CYP4F11: variants seen among roughly 807,000 people sequenced by gnomAD.
CYP4F11 encodes the protein cytochrome P450 4F11.
In CYP4F11, 79 loss-of-function variants were observed where a neutral mutation model predicts 62.2. The observed-to-expected ratio is 1.27, with a 90% CI of 1.06 to 1.53. CYP4F11 has a LOEUF of 1.53. Ranked by LOEUF, CYP4F11 falls within the 40% of genes most tolerant of loss-of-function variation. CYP4F11 has a pLI of 0.00. For missense variants in CYP4F11, 777 were observed against 680.5 expected (o/e 1.14, Z -1.58); for synonymous variants, 290 against 263.7 (o/e 1.10, Z -0.97).
Position 15,927,490 on chromosome 19 carries a change from T to C in CYP4F11, c.344-7A>G, listed in dbSNP as rs769606601. 36 of 1,612,994 alleles carry C rather than the reference T, an allele frequency of 2.2e-5. 1 individual carries two copies. Among genetic ancestry groups the C allele is most frequent in the Middle Eastern group, 1.6e-4 (1 of 6,080 alleles). On this transcript the variant is annotated splice_polypyrimidine_tract_variant and splice_region_variant and intron_variant, in intron 2 of 11. Transcript: ENST00000402119. ...TCCTTGGGTGCGACAGCAGCTGACA[T>C]GATTGAGGACCATCAGTGGCCATGG...
At position 15,923,679 on chromosome 19, in the gene CYP4F11, C is replaced by G. The variant is rs1434571659; in HGVS notation, c.918+133G>C. The G allele has an allele frequency of 2.0e-5, 25 of 1,272,564 alleles. No homozygotes were observed. In the South Asian group the frequency reaches 3.3e-4, roughly 17 times the overall value. The allele number at this position is 1,272,564 out of a possible 1,614,324, so 78.8% of individuals were successfully genotyped here. A position where few individuals can be genotyped will look rare whatever the true frequency, so the allele number is the denominator to read the frequency against. On this transcript the variant is annotated intron_variant, in intron 6 of 11. Transcript: ENST00000402119. ...AATTCCACAGAGTCATCTCTCAAAC[C>G]TATCTCTGACCTGTCTTTTTCAAGC...
In CYP4F11 at chr19:15,931,620, GCGAGGAGAGGAA is replaced by G. The variant is rs1568257512; in HGVS notation, c.199-2031_199-2020del. On this transcript the variant is annotated intron_variant, in intron 1 of 11. Transcript: ENST00000402119. ...AGTGAGTGAGGAGAGGAATGAGTGA[GCGAGGAGAGGAA>G]TGAGTGAGCGAGGAGAGGAATGAGT... 2.6e-3 allele frequency among the ~76,000 whole-genome samples: 223 copies of G among 86,650 alleles called. 10 individuals carry two copies. Among genetic ancestry groups the G allele is most frequent in the South Asian group, 5.2e-3 (13 of 2,484 alleles). 56.8% of individuals were successfully genotyped at this position (86,650 alleles called of 152,430 possible).
intron 1 of CYP4F11, 71 bp downstream of exon 1, chr19:15,934,140 G>A (rs1380176603): frequency 1.3e-6 from 2 of 1,538,108 alleles, no homozygotes; most frequent in African/African-American, 1.5e-5. Context: ...CCAGCTCCCT[G>A]AGCCCCATTC....
At chr19:15,920,242 T>C (rs11667406) in intron 8 of CYP4F11, among the ~76,000 whole-genome samples, 82,516 of 152,022 alleles carry the variant, frequency 0.54, 22,974 homozygotes, top group Non-Finnish European at 0.61. Flanking sequence ...ACTCATTTTC[T>C]AAAACTCATA....
rs144132237 is a variant in CYP4F11, at chr19:15,925,589, G to A, written c.526-707C>T. 1.8e-3 allele frequency among the ~76,000 whole-genome samples: 273 copies of A among 151,962 alleles called. 1 individual carries two copies. The highest frequency in any genetic ancestry group is 6.4e-3 in the African/African-American group (265 of 41,428). ...ATGTGGGGCTTAAAACCTGGATGAC[G>A]GGTTGGTGGGTGCAGCAAACCACCA... On this transcript the variant is annotated intron_variant, in intron 4 of 11. Transcript: ENST00000402119.
chr19:15,922,098 C>A lies in CYP4F11; in HGVS notation c.1054G>T (p.Glu352Ter), dbSNP rs777783408. The change falls in exon 8 of 12, where the codon GAA becomes TAA. Residue 352 changes from glutamate (E) to a stop codon, truncating the protein, a stop_gained. Coordinates refer to ENST00000402119, the MANE Select transcript of CYP4F11 (RefSeq NM_021187.4). LOFTEE classifies it high-confidence loss of function. Reference protein sequence around the residue: ...YHLAKHPEYQEQCRQEVQELL... With the variant: ...YHLAKHPEYQ ...TCTTGCACTTCTTGCCGGCACTGTT[C>A]CTGGTATTCTGGGTGCTTTGCAAGG... is the stretch of plus-strand genomic sequence containing the variant. 5.6e-6 allele frequency: 9 copies of A among 1,614,104 alleles called. No individual in the cohort carries two copies. In the South Asian group the frequency reaches 9.9e-5, roughly 18 times the overall value.
rs1221814803 is a variant in CYP4F11 at position 15,912,727 on chromosome 19, GTGTGTGTA to G, written c.*997_*1004del. ...TGTGTGTGTGTGTGTGTGTGTGTGTGTGTGTGTATATGTATATATGTGTGTGTGTGTGT... is the reference window on the plus strand; with the variant it reads ...TGTGTGTGTGTGTGTGTGTGTGTGTGTATGTATATATGTGTGTGTGTGTGT... On this transcript the variant is annotated 3_prime_UTR_variant, in exon 12 of 12. Coordinates refer to ENST00000402119, the MANE Select transcript of CYP4F11 (RefSeq NM_021187.4). 9.1e-4 allele frequency: 68 copies of G among 74,852 alleles called. 1 individual carries two copies. Among genetic ancestry groups the G allele is most frequent in the Admixed American group, 1.9e-3 (12 of 6,366 alleles). 4.6% of individuals were successfully genotyped at this position (74,852 alleles called of 1,614,324 possible). A position where few individuals can be genotyped will look rare whatever the true frequency, so the allele number is the denominator to read the frequency against.
In CYP4F11 at chr19:15,913,684, T is replaced by A; in HGVS notation, c.*48A>T. 6.2e-7 allele frequency: 1 copy of A among 1,609,434 alleles called. No homozygotes were observed. The highest frequency in any genetic ancestry group is 1.3e-5 in the African/African-American group (1 of 74,936). ...CGAGGCTCAAGCAGAGGTGTCAGCATAGTTTTGTTTCTGGGACTCTACAGA... is the reference window on the plus strand; with the variant it reads ...CGAGGCTCAAGCAGAGGTGTCAGCAAAGTTTTGTTTCTGGGACTCTACAGA... On this transcript the variant is annotated 3_prime_UTR_variant, in exon 12 of 12. Coordinates refer to ENST00000402119, the MANE Select transcript of CYP4F11 (RefSeq NM_021187.4).
chr19:15,934,349 C>T lies in CYP4F11; in HGVS notation c.60G>A (p.Leu20=), dbSNP rs1294091920. The change falls in exon 1 of 12, where the codon CTG becomes CTA. Residue 20 remains leucine, a synonymous_variant. Transcript: ENST00000402119. The part of the protein sequence containing the change: ...GLGPVAASPW[L]LLLLVGGSWL... Reference sequence around the variant, plus strand: ...AGGAGCCTCCAACCAGCAGCAGAAGCAGCCACGGGGATGCTGCCACGGGCC... The same window carrying T: ...AGGAGCCTCCAACCAGCAGCAGAAGTAGCCACGGGGATGCTGCCACGGGCC... 1 of 1,613,424 alleles carries T rather than the reference C, an allele frequency of 6.2e-7. No individual in the cohort carries two copies. Among genetic ancestry groups the T allele is most frequent in the East Asian group, 2.2e-5 (1 of 44,834 alleles).
In CYP4F11 at chr19:15,934,319, G is replaced by A; in HGVS notation, c.90C>T (p.Leu30=). 1.2e-6 allele frequency: 2 copies of A among 1,613,044 alleles called. No homozygotes were observed. The highest frequency in any genetic ancestry group is 1.7e-6 in the Non-Finnish European group (2 of 1,179,568). The change falls in exon 1 of 12, where the codon CTC becomes CTT. Residue 30 remains leucine (L), a synonymous_variant. Transcript: ENST00000402119. ...LLLLLVGGSW[L]LARVLAWTYT... ...AGGTCCAGGCCAGGACGCGGGCCAG[G>A]AGCCAGGAGCCTCCAACCAGCAGCA... is the stretch of plus-strand genomic sequence containing the variant.
intron 8 of CYP4F11, among the ~76,000 whole-genome samples, chr19:15,919,521 T>TAGATAGATAGATAGATAGATAGAC (rs1191784843): frequency 7.5e-5 from 11 of 146,074 alleles, no homozygotes; most frequent in Non-Finnish European, 1.2e-4. Context: ...GATAGATAGA[T>TAGATAGATAGATAGATAGATAGAC]AGACAGATAG....
At chr19:15,923,341 A>C (rs2145047292) in intron 6 of CYP4F11, among the ~76,000 whole-genome samples, 1 of 150,782 alleles carries the variant, frequency 6.6e-6, no homozygotes, top group South Asian at 2.1e-4. Context: ...TAGCTATCCT[A>C]TATAAGCCCC....
At chr19:15,931,553 TGAGTGAGCGAGGAGAGGAATGAGTGAGC>T (rs1568257310) in intron 1 of CYP4F11, among the ~76,000 whole-genome samples, 1,979 of 120,926 alleles carry the variant, frequency 0.016, 368 homozygotes, top group Middle Eastern at 0.048. Flanking sequence ...GGGAGAGGAA[TGAGTGAGCGAGGAGAGGAATGAGTGAGC>T]GAGGAGAGGA....
chr19:15,913,378 C>A lies in CYP4F11; in HGVS notation c.*354G>T, dbSNP rs771329716. 3.1e-6 allele frequency: 1 copy of A among 319,820 alleles called. No homozygotes were observed. The highest frequency in any genetic ancestry group is 6.0e-6 in the Non-Finnish European group (1 of 166,780). 19.8% of individuals were successfully genotyped at this position (319,820 alleles called of 1,614,324 possible). A position where few individuals can be genotyped will look rare whatever the true frequency, so the allele number is the denominator to read the frequency against. ...CCCAGGACAGATGAAGGGATCTGCC[C>A]CTATGGTTGTTTCTCGCTGAATCAG... On this transcript the variant is annotated 3_prime_UTR_variant, in exon 12 of 12. Coordinates refer to ENST00000402119, the MANE Select transcript of CYP4F11 (RefSeq NM_021187.4).
intron 2 of CYP4F11, 122 bp from the exon 3 acceptor site, chr19:15,927,605 A>G (rs917446675): frequency 7.4e-7 from 1 of 1,347,252 alleles, no homozygotes; most frequent in Non-Finnish European, 1.0e-6. Context: ...TAGCAGGAAG[A>G]AGGCCAAGGG....
Position 15,927,862 on chromosome 19 carries a change from C to T in CYP4F11, c.344-379G>A, listed in dbSNP as rs183133015. On this transcript the variant is annotated intron_variant, in intron 2 of 11. Transcript: ENST00000402119. ...GGATCTGGGACCTGGAATATTGCCC[C>T]GACAGTTGTTAACATTCCCTGACAT... 15 of 217,638 alleles carry T rather than the reference C, an allele frequency of 6.9e-5. No homozygotes were observed. The East Asian group carries it at 1.0e-3, about 15-fold the overall frequency. 13.5% of individuals were successfully genotyped at this position (217,638 alleles called of 1,614,324 possible).
Position 15,917,407 on chromosome 19 carries a change from G to A in CYP4F11, c.1116-2512C>T, listed in dbSNP as rs117655840. ...CCCCCAAATTACTGAAATAAAAACA[G>A]AAGAGAAAGTCATTCTACCAGACAT... On this transcript the variant is annotated intron_variant, in intron 8 of 11. Transcript: ENST00000402119. Among the ~76,000 whole-genome samples the A allele has an allele frequency of 1.4e-4, 22 of 152,196 alleles. No homozygotes were observed. In the East Asian group the frequency reaches 3.9e-3, roughly 27 times the overall value.
chr19:15,917,691 A>T (rs924399789), intron 8 of CYP4F11, among the ~76,000 whole-genome samples: 4 of 152,206 alleles, frequency 2.6e-5, no homozygotes, highest in Admixed American at 2.6e-4. Context: ...AAAGACAGAA[A>T]AAAAGATTTA....
At chr19:15,925,944 C>A (rs997137614) in intron 4 of CYP4F11, among the ~76,000 whole-genome samples, 1 of 151,722 alleles carries the variant, frequency 6.6e-6, no homozygotes. Flanking sequence ...GCAGGTGGAT[C>A]GTGAGGTCAG....
Sources: gnomAD v4.1 joint callset for allele counts (sites outside exome capture counted in the v4.1 genomes callset) on GRCh38, gnomAD v4.1.1 for gene constraint, MANE v1.5 for transcripts, NCBI Gene and HGNC (gene_info 2026-07-23, HGNC 2026-07-21) for gene names.